The following ST8SIA2 variants were observed in gnomAD, a reference collection of about 807,000 sequenced individuals.
ST8SIA2 encodes ST8 alpha-N-acetyl-neuraminide alpha-2,8-sialyltransferase 2, also known as alpha-2,8-sialyltransferase 8B.
ST8SIA2 carries 22 observed loss-of-function variants against 37.6 expected under a neutral mutation model. That is an observed-to-expected ratio of 0.58 (90% CI 0.42 to 0.83). The LOEUF (loss-of-function observed/expected upper bound fraction) is 0.83. Among genes scored for constraint, ST8SIA2 ranks in the 40% least tolerant of loss-of-function variants. ST8SIA2 has a pLI of 0.00. For synonymous variants in ST8SIA2, 205 were observed against 201.2 expected (o/e 1.02, Z -0.16); for missense variants, 382 against 484.7 (o/e 0.79, Z 1.99).
intron 4 of ST8SIA2, 21 bp from the exon 5 acceptor site, chr15:92,444,615 T>C (rs1183559973): frequency 9.9e-6 from 16 of 1,614,064 alleles, no homozygotes; most frequent in Non-Finnish European, 1.4e-5. Flanking sequence ...AAAAGGATCA[T>C]GTTGCCTTTT....
intron 1 of ST8SIA2, among the ~76,000 whole-genome samples, chr15:92,401,873 TAGTG>T (rs771434056): frequency 3.5e-4 from 51 of 146,006 alleles, no homozygotes; most frequent in Non-Finnish European, 6.1e-4. Flanking sequence ...GGTTCCCAAA[TAGTG>T]AGCCACAGAG....
At chr15:92,399,812 G>C (rs761344585) in intron 1 of ST8SIA2, among the ~76,000 whole-genome samples, 1 of 152,146 alleles carries the variant, frequency 6.6e-6, no homozygotes, top group Non-Finnish European at 1.5e-5. Context: ...CCCCTGTAAG[G>C]CAGGGTTGCT....
intron 1 of ST8SIA2, among the ~76,000 whole-genome samples, chr15:92,426,365 G>C (rs1259695094): frequency 6.6e-6 from 1 of 152,134 alleles, no homozygotes; most frequent in African/African-American, 2.4e-5. Context: ...CCGGGGGTGA[G>C]GCATGGGGGA....
intron 1 of ST8SIA2, among the ~76,000 whole-genome samples, chr15:92,404,811 G>T (rs1047790526): frequency 6.6e-6 from 1 of 151,012 alleles, no homozygotes; most frequent in Admixed American, 6.6e-5. Flanking sequence ...CTCCAGCCTG[G>T]GTGACAGAGC....
At chr15:92,430,453 C>T (rs531682432) in intron 2 of ST8SIA2, among the ~76,000 whole-genome samples, 3 of 152,232 alleles carry the variant, frequency 2.0e-5, no homozygotes, top group Admixed American at 6.5e-5. Context: ...AGCATTTTCA[C>T]TCAATTTCAT....
intron 5 of ST8SIA2, among the ~76,000 whole-genome samples, chr15:92,457,609 G>A (rs1451396531): frequency 1.3e-5 from 2 of 152,192 alleles, no homozygotes; most frequent in African/African-American, 2.4e-5. Context: ...ACACCCAGCT[G>A]TTATCCTAAG....
chr15:92,396,558 A>G (rs889758933), intron 1 of ST8SIA2, among the ~76,000 whole-genome samples: 6 of 151,788 alleles, frequency 4.0e-5, no homozygotes, highest in South Asian at 2.1e-4. Context: ...CAGTGGCACA[A>G]TCTCGGCTCA....
intron 1 of ST8SIA2, among the ~76,000 whole-genome samples, chr15:92,396,146 C>T (rs2049428963): frequency 6.6e-6 from 1 of 152,218 alleles, no homozygotes; most frequent in African/African-American, 2.4e-5. Context: ...TACGATGTGT[C>T]ACCTCCTGTG....
intron 4 of ST8SIA2, among the ~76,000 whole-genome samples, chr15:92,440,789 A>G (rs2049795921): frequency 6.6e-6 from 1 of 152,232 alleles, no homozygotes; most frequent in Non-Finnish European, 1.5e-5. Flanking sequence ...GTAATATCCT[A>G]CAGGCCAAAG....
intron 4 of ST8SIA2, among the ~76,000 whole-genome samples, chr15:92,444,134 G>A (rs1355574788): frequency 6.6e-6 from 1 of 152,134 alleles, no homozygotes; most frequent in East Asian, 1.9e-4. Flanking sequence ...TTTAATCCTT[G>A]GGAGGGATGC....
At chr15:92,397,359 G>C (rs985741842) in intron 1 of ST8SIA2, among the ~76,000 whole-genome samples, 1 of 152,130 alleles carries the variant, frequency 6.6e-6, no homozygotes, top group East Asian at 1.9e-4. Flanking sequence ...TTGAGGGGCA[G>C]GGCTTTCTTT....
intron 1 of ST8SIA2, among the ~76,000 whole-genome samples, chr15:92,416,469 G>A (rs907663005): frequency 6.6e-6 from 1 of 152,116 alleles, no homozygotes. Context: ...AAACCGGCGC[G>A]TGCAAAGGGC....
chr15:92,394,037 C>T lies in ST8SIA2; in HGVS notation c.-28C>T. On this transcript the variant is annotated 5_prime_UTR_variant, in exon 1 of 6. Coordinates refer to ENST00000268164, the MANE Select transcript of ST8SIA2 (RefSeq NM_006011.4). ...GGCCCCTGCTCCTCGCGCCGGCCCG[C>T]GTGGGTCCCGGCGGGCGCGAACCCA... 1 of 1,534,068 alleles carries T rather than the reference C, an allele frequency of 6.5e-7. No individual in the cohort carries two copies. Among genetic ancestry groups the T allele is most frequent in the Non-Finnish European group, 8.8e-7 (1 of 1,137,726 alleles).
intron 5 of ST8SIA2, 159 bp downstream of exon 5, chr15:92,445,088 G>A (rs964782083): frequency 9.3e-7 from 1 of 1,070,736 alleles, no homozygotes; most frequent in Non-Finnish European, 1.4e-6. Context: ...TCCATTCCTT[G>A]AGAGATGAGG....
At chr15:92,446,603 T>G (rs2049844671) in intron 5 of ST8SIA2, among the ~76,000 whole-genome samples, 1 of 152,200 alleles carries the variant, frequency 6.6e-6, no homozygotes, top group African/African-American at 2.4e-5. Context: ...AAAATAAAGA[T>G]CTCAGATCTC....
intron 4 of ST8SIA2, 95 bp from the exon 5 acceptor site, chr15:92,444,541 A>C (rs1243905366): frequency 6.6e-7 from 1 of 1,516,946 alleles, no homozygotes; most frequent in Non-Finnish European, 9.1e-7. Flanking sequence ...TGGGGATGAG[A>C]AAGAAGCAAG....
In ST8SIA2 at chr15:92,408,746, C is replaced by T. The variant is rs558554898; in HGVS notation, c.98+14584C>T. On this transcript the variant is annotated intron_variant, in intron 1 of 5. Coordinates refer to ENST00000268164, the MANE Select transcript of ST8SIA2 (RefSeq NM_006011.4). ...ATTGAGATGGAGTCTCACTCTGTCG[C>T]CCAGGCTGGAGTACAATGGCGTGAT... Among the ~76,000 whole-genome samples, 528 of 151,372 alleles carry T rather than the reference C, an allele frequency of 3.5e-3. 5 individuals are homozygous for T. The highest frequency in any genetic ancestry group is 0.012 in the African/African-American group (491 of 41,234).
chr15:92,418,628 T>C (rs1393684445), intron 1 of ST8SIA2, among the ~76,000 whole-genome samples: 2 of 152,206 alleles, frequency 1.3e-5, no homozygotes, highest in Admixed American at 1.3e-4. Flanking sequence ...AGAATGATCA[T>C]TTGGGATGGT....
chr15:92,458,335 A>G (rs991930451), intron 5 of ST8SIA2, among the ~76,000 whole-genome samples: 4 of 152,102 alleles, frequency 2.6e-5, no homozygotes, highest in Admixed American at 2.6e-4. Context: ...GAAAGTACAC[A>G]TTGTCTTTGT....
Sources: allele counts gnomAD v4.1 joint callset (sites outside exome capture counted in the v4.1 genomes callset), GRCh38; gene constraint gnomAD v4.1.1; transcripts MANE v1.5; gene names NCBI Gene and HGNC (gene_info 2026-07-23, HGNC 2026-07-21).